NRXN3: variants seen among roughly 807,000 people sequenced by gnomAD.
NRXN3 encodes the protein neurexin III.
NRXN3 carries 32 observed loss-of-function variants against 137.6 expected under a neutral mutation model. The observed-to-expected ratio is 0.23, with a 90% CI of 0.18 to 0.31. The LOEUF is 0.31. NRXN3 is among the 10% of genes least tolerant of loss of function. The probability of loss-of-function intolerance (pLI) is 1.00; values close to 1 mark genes in which losing one functional copy is unlikely to be tolerated. For missense variants in NRXN3, 1,574 were observed against 2,062.5 expected (o/e 0.76, Z 4.59); for synonymous variants, 798 against 784.5 (o/e 1.02, Z -0.29).
chr14:78,441,741 GA>G (rs2094256924), intron 4 of NRXN3, among the ~76,000 whole-genome samples: 2 of 152,276 alleles, frequency 1.3e-5, no homozygotes, highest in African/African-American at 4.8e-5. Context: ...AGGATCTTGA[GA>G]AGATGGAGAG....
intron 6 of NRXN3, among the ~76,000 whole-genome samples, chr14:78,660,125 G>A (rs1434271509): frequency 6.6e-6 from 1 of 152,058 alleles, no homozygotes; most frequent in Non-Finnish European, 1.5e-5. Context: ...GAGCACTGAG[G>A]TCTCAAAGAT....
intron 15 of NRXN3, among the ~76,000 whole-genome samples, chr14:79,436,787 A>G (rs183686994): frequency 1.2e-4 from 19 of 152,268 alleles, no homozygotes; most frequent in Non-Finnish European, 2.6e-4. Flanking sequence ...GTTCATTACT[A>G]ATTGGATTAA....
At chr14:78,974,776 A>G (rs2099458191) in intron 14 of NRXN3, among the ~76,000 whole-genome samples, 1 of 152,058 alleles carries the variant, frequency 6.6e-6, no homozygotes, top group South Asian at 2.1e-4. Context: ...GGTGTGGACT[A>G]TTACTCACAA....
intron 8 of NRXN3, among the ~76,000 whole-genome samples, chr14:78,793,804 C>T (rs1206655272): frequency 6.6e-6 from 1 of 152,110 alleles, no homozygotes; most frequent in Non-Finnish European, 1.5e-5. Flanking sequence ...CCAACTGGTA[C>T]AGTCTGACTC....
At chr14:79,376,937 A>G (rs959686158) in intron 15 of NRXN3, among the ~76,000 whole-genome samples, 4 of 152,138 alleles carry the variant, frequency 2.6e-5, no homozygotes, top group Admixed American at 1.3e-4. Context: ...TCTACCTTTT[A>G]GTTGTAGTTA....
At chr14:78,174,548 G>A (rs994143517) in intron 1 of NRXN3, among the ~76,000 whole-genome samples, 5 of 152,164 alleles carry the variant, frequency 3.3e-5, no homozygotes, top group Non-Finnish European at 5.9e-5. Context: ...AAGCACCAGC[G>A]TGCCTCCAAT....
chr14:78,359,143 AG>A, intron 4 of NRXN3, among the ~76,000 whole-genome samples: 1 of 152,320 alleles, frequency 6.6e-6, no homozygotes, highest in Middle Eastern at 3.4e-3. Flanking sequence ...ATTTATTTAA[AG>A]AAAATGATTT....
chr14:79,799,219 G>A (rs867187385), intron 19 of NRXN3, among the ~76,000 whole-genome samples: 8 of 152,070 alleles, frequency 5.3e-5, no homozygotes, highest in South Asian at 2.1e-4. Context: ...ATTTCAACAC[G>A]TGGATTAAAA....
intron 15 of NRXN3, among the ~76,000 whole-genome samples, chr14:79,425,153 G>A (rs1303301405): frequency 6.6e-6 from 1 of 152,110 alleles, no homozygotes; most frequent in Non-Finnish European, 1.5e-5. Flanking sequence ...ACTCCCCTAT[G>A]ATCGATTGCT....
At chr14:79,784,659 G>A (rs114941395) in intron 19 of NRXN3, among the ~76,000 whole-genome samples, 306 of 134,864 alleles carry the variant, frequency 2.3e-3, no homozygotes, top group African/African-American at 8.2e-3. Context: ...AAGTTCAAAC[G>A]AGCACAGCAT....
chr14:79,624,803 G>T (rs2543590), intron 16 of NRXN3, among the ~76,000 whole-genome samples: 15,758 of 89,288 alleles, frequency 0.18, 2,328 homozygotes, highest in African/African-American at 0.54. Flanking sequence ...TTTTTTTTTT[G>T]TTTGTTTTTG....
intron 18 of NRXN3, among the ~76,000 whole-genome samples, chr14:79,695,576 G>A (rs546860889): frequency 2.6e-5 from 4 of 151,266 alleles, no homozygotes; most frequent in African/African-American, 7.3e-5. Context: ...GTGGGGTTGA[G>A]GGAGAATTTA....
rs183687584 is a variant in NRXN3, at chr14:78,611,581, A to G, written c.758-33539A>G. Among the ~76,000 whole-genome samples, 257 of 152,322 alleles carry G rather than the reference A, an allele frequency of 1.7e-3. 2 individuals are homozygous for G. Among genetic ancestry groups the G allele is most frequent in the Admixed American group, 0.013 (196 of 15,312 alleles). On this transcript the variant is annotated intron_variant, in intron 4 of 20. Coordinates refer to ENST00000335750, the MANE Select transcript of NRXN3 (RefSeq NM_001330195.2). ...GTGAGGCAACCCTATGAAGACAGGT[A>G]GGGCCTAGACACTGATGTTTATTTT...
chr14:78,502,608 A>G (rs2095900506), intron 4 of NRXN3, among the ~76,000 whole-genome samples: 1 of 152,156 alleles, frequency 6.6e-6, no homozygotes, highest in Non-Finnish European at 1.5e-5. Flanking sequence ...TGTTATATTC[A>G]CTTTTTTTCT....
At chr14:78,314,974 CCT>C (rs1567235759) in intron 4 of NRXN3, among the ~76,000 whole-genome samples, 4 of 92,418 alleles carry the variant, frequency 4.3e-5, no homozygotes, top group Admixed American at 1.0e-4. Flanking sequence ...TTCCTTCCTT[CCT>C]TCCTTCCTTC....
At chr14:78,230,972 C>T (rs568907534) in intron 1 of NRXN3, among the ~76,000 whole-genome samples, 5 of 152,206 alleles carry the variant, frequency 3.3e-5, no homozygotes, top group Admixed American at 1.3e-4. Flanking sequence ...TTGGGAGAAC[C>T]GTATATAGTC....
At chr14:78,713,001 T>C (rs1667049731) in intron 7 of NRXN3, among the ~76,000 whole-genome samples, 1 of 152,232 alleles carries the variant, frequency 6.6e-6, no homozygotes, top group African/African-American at 2.4e-5. Flanking sequence ...CATGACCCAT[T>C]TATCTTGATA....
At chr14:79,532,809 C>A (rs1358090964) in intron 16 of NRXN3, among the ~76,000 whole-genome samples, 1 of 152,176 alleles carries the variant, frequency 6.6e-6, no homozygotes, top group African/African-American at 2.4e-5. Context: ...ACATCTTCAG[C>A]AAATAAAATA....
intron 3 of NRXN3, chr14:78,282,142 C>G (rs751979215): frequency 9.9e-6 from 5 of 502,688 alleles, no homozygotes; most frequent in African/African-American, 9.7e-5. Context: ...TGGCAGGGAC[C>G]CCTGTCAGGT....
Sources: allele counts gnomAD v4.1 joint callset (sites outside exome capture counted in the v4.1 genomes callset), GRCh38; gene constraint gnomAD v4.1.1; transcripts MANE v1.5; gene names NCBI Gene and HGNC (gene_info 2026-07-23, HGNC 2026-07-21).